The following LEPROTL1 variants were observed in gnomAD, a reference collection of about 807,000 sequenced individuals.
LEPROTL1 encodes the protein leptin receptor overlapping transcript like 1, also known as leptin receptor overlapping transcript-like 1.
In LEPROTL1, 6 loss-of-function variants were observed where a neutral mutation model predicts 15.4. The observed-to-expected ratio is 0.39, with a 90% CI of 0.21 to 0.77. The LOEUF (loss-of-function observed/expected upper bound fraction) is 0.77, where lower values mean the gene tolerates loss of function less well. LEPROTL1 is among the 30% of genes least tolerant of loss of function. The probability of loss-of-function intolerance (pLI) is 0.41; values close to 1 mark genes in which losing one functional copy is unlikely to be tolerated. For synonymous variants in LEPROTL1, 56 were observed against 52.6 expected (o/e 1.06, Z -0.28); for missense variants, 128 against 158.1 (o/e 0.81, Z 1.02).
intron 4 of LEPROTL1, among the ~76,000 whole-genome samples, chr8:30,135,011 C>T (rs1803108605): frequency 1.3e-5 from 2 of 151,918 alleles, no homozygotes; most frequent in South Asian, 4.1e-4. Context: ...TCCTGAGAAG[C>T]TGGAACTTCA....
At chr8:30,116,576 C>T (rs973029902) in intron 3 of LEPROTL1, among the ~76,000 whole-genome samples, 3 of 152,258 alleles carry the variant, frequency 2.0e-5, no homozygotes, top group Middle Eastern at 3.4e-3. Flanking sequence ...CTGCTTACCT[C>T]CTGCTCTGCT....
At chr8:30,134,856 CCTTTTCTTTTTT>C (rs1397213914) in intron 4 of LEPROTL1, among the ~76,000 whole-genome samples, 2 of 151,324 alleles carry the variant, frequency 1.3e-5, no homozygotes, top group Non-Finnish European at 1.5e-5. Context: ...CCATAAGCAT[CCTTTTCTTTTTT>C]CTTTTCTTTT....
chr8:30,095,469 C>T lies in LEPROTL1; in HGVS notation c.-44C>T. On this transcript the variant is annotated 5_prime_UTR_variant, in exon 1 of 4. Transcript: ENST00000321250. ...TTGGGTCTCCCGGCTGCCGCTGCTG[C>T]CGCCGCCGCCTCGGGTCGTGGAGCC... 1 of 1,462,400 alleles carries T rather than the reference C, an allele frequency of 6.8e-7. No individual in the cohort carries two copies. 90.6% of individuals were successfully genotyped at this position (1,462,400 alleles called of 1,614,324 possible). A position where few individuals can be genotyped will look rare whatever the true frequency, so the allele number is the denominator to read the frequency against.
At chr8:30,111,491 C>G (rs1187364797), downstream of LEPROTL1, among the ~76,000 whole-genome samples, 1 of 152,200 alleles carries the variant, frequency 6.6e-6, no homozygotes, top group Non-Finnish European at 1.5e-5. Flanking sequence ...TATTTCACTT[C>G]GGCTATGTCA....
chr8:30,119,591 T>C (rs1042572574), intron 3 of LEPROTL1, among the ~76,000 whole-genome samples: 2 of 152,230 alleles, frequency 1.3e-5, no homozygotes, highest in African/African-American at 4.8e-5. Context: ...GGGCCCATGC[T>C]AATGACCTCG....
chr8:30,100,923 T>C (rs1802456832), intron 1 of LEPROTL1, among the ~76,000 whole-genome samples: 1 of 152,188 alleles, frequency 6.6e-6, no homozygotes, highest in South Asian at 2.1e-4. Flanking sequence ...AATGCATCTA[T>C]TGCTTATAAT....
chr8:30,106,601 A>G lies in LEPROTL1; in HGVS notation c.*739A>G, dbSNP rs564342122. The G allele has an allele frequency of 1.5e-4, 143 of 983,546 alleles. No homozygotes were observed. The highest frequency in any genetic ancestry group is 1.7e-4 in the Non-Finnish European group (138 of 828,002). 60.9% of individuals were successfully genotyped at this position (983,546 alleles called of 1,614,324 possible). A position where few individuals can be genotyped will look rare whatever the true frequency, so the allele number is the denominator to read the frequency against. Reference sequence around the variant, plus strand: ...AAGGGTGTAAAAACATTTTTGAGATAAGGTTTTTATTTATGTTTATTATTG... The same window carrying G: ...AAGGGTGTAAAAACATTTTTGAGATGAGGTTTTTATTTATGTTTATTATTG... On this transcript the variant is annotated 3_prime_UTR_variant, in exon 4 of 4. Coordinates refer to ENST00000321250, the MANE Select transcript of LEPROTL1 (RefSeq NM_015344.3).
Position 30,095,440 on chromosome 8 carries a change from C to G in LEPROTL1, c.-73C>G. ...CGGGTGTTGTCTGGCCGCCGTAGCG[C>G]GTCTTGGGTCTCCCGGCTGCCGCTG... On this transcript the variant is annotated 5_prime_UTR_variant, in exon 1 of 4. Coordinates refer to ENST00000321250, the MANE Select transcript of LEPROTL1 (RefSeq NM_015344.3). 7.0e-7 allele frequency: 1 copy of G among 1,428,362 alleles called. No individual in the cohort carries two copies. The highest frequency in any genetic ancestry group is 9.2e-7 in the Non-Finnish European group (1 of 1,081,962). 88.5% of individuals were successfully genotyped at this position (1,428,362 alleles called of 1,614,324 possible).
At chr8:30,114,331 C>T (rs1422908979) in intron 3 of LEPROTL1, among the ~76,000 whole-genome samples, 3 of 151,630 alleles carry the variant, frequency 2.0e-5, no homozygotes, top group African/African-American at 4.8e-5. Context: ...GGCTCTGTCA[C>T]CCAGGCTGGA....
chr8:30,127,889 C>T (rs934331358), intron 3 of LEPROTL1, among the ~76,000 whole-genome samples: 2 of 151,738 alleles, frequency 1.3e-5, no homozygotes, highest in African/African-American at 4.8e-5. Context: ...TTAAAAAGAG[C>T]GGGTGGGGTG....
At chr8:30,116,649 G>T (rs559879771) in intron 3 of LEPROTL1, among the ~76,000 whole-genome samples, 5 of 152,310 alleles carry the variant, frequency 3.3e-5, no homozygotes, top group Non-Finnish European at 5.9e-5. Flanking sequence ...TGGGGCTCGG[G>T]GGTTGGGGAC....
At chr8:30,100,859 G>A (rs1802455303) in intron 1 of LEPROTL1, among the ~76,000 whole-genome samples, 1 of 152,148 alleles carries the variant, frequency 6.6e-6, no homozygotes, top group Admixed American at 6.5e-5. Context: ...CTGTGTGTGT[G>A]TGTGTGTGTC....
rs1802520295 is a variant in LEPROTL1, at chr8:30,104,295, T to C, written c.93-5T>C. ...AATTACATTAACTTATTTTTCTTTTTCTAGCAAATACTGGCCCCTCTTTGT... is the reference window on the plus strand; with the variant it reads ...AATTACATTAACTTATTTTTCTTTTCCTAGCAAATACTGGCCCCTCTTTGT... On this transcript the variant is annotated splice_polypyrimidine_tract_variant and splice_region_variant and intron_variant, in intron 2 of 3. Coordinates refer to ENST00000321250, the MANE Select transcript of LEPROTL1 (RefSeq NM_015344.3). The C allele has an allele frequency of 6.8e-7, 1 of 1,464,510 alleles. No individual in the cohort carries two copies. The highest frequency in any genetic ancestry group is 9.1e-7 in the Non-Finnish European group (1 of 1,096,436). 90.7% of individuals were successfully genotyped at this position (1,464,510 alleles called of 1,614,324 possible).
intron 3 of LEPROTL1, among the ~76,000 whole-genome samples, chr8:30,131,325 C>CAT (rs1390130268): frequency 2.1e-5 from 3 of 145,588 alleles, no homozygotes; most frequent in Non-Finnish European, 4.5e-5. Context: ...TATATATACA[C>CAT]ATATATATAT....
intron 1 of LEPROTL1, among the ~76,000 whole-genome samples, chr8:30,097,323 G>A (rs1010701049): frequency 2.4e-4 from 17 of 71,042 alleles, no homozygotes; most frequent in Non-Finnish European, 3.6e-4. Context: ...TACCTTATTC[G>A]GTATGACTGG....
chr8:30,137,467 G>A, exon 5 of LEPROTL1: 3 of 1,551,682 alleles, frequency 1.9e-6, no homozygotes, highest in Non-Finnish European at 2.6e-6. Flanking sequence ...GTGGGCTCTA[G>A]GATTCCTGCT....
At chr8:30,109,197 G>A (rs185183293), downstream of LEPROTL1, among the ~76,000 whole-genome samples, 2 of 152,298 alleles carry the variant, frequency 1.3e-5, no homozygotes, top group East Asian at 1.9e-4. Flanking sequence ...GCAACACAAC[G>A]TTATTGTTAA....
chr8:30,102,378 C>T lies in LEPROTL1; in HGVS notation c.92+405C>T, dbSNP rs138435909. On this transcript the variant is annotated intron_variant, in intron 2 of 3. Transcript: ENST00000321250. ...TAAACAATTACTTTCCGGCCGGGTG[C>T]GGTGGCTCACACCTGTAATCCCAGC... Among the ~76,000 whole-genome samples, 473 of 151,826 alleles carry T rather than the reference C, an allele frequency of 3.1e-3. 4 individuals carry two copies. The highest frequency in any genetic ancestry group is 0.011 in the African/African-American group (439 of 41,398).
At chr8:30,116,983 G>C (rs1802751176) in intron 3 of LEPROTL1, among the ~76,000 whole-genome samples, 1 of 152,064 alleles carries the variant, frequency 6.6e-6, no homozygotes. Flanking sequence ...CTGGAGAATT[G>C]GTCAGTATGG....
Sources: gnomAD v4.1 joint callset for allele counts (sites outside exome capture counted in the v4.1 genomes callset) on GRCh38, gnomAD v4.1.1 for gene constraint, MANE v1.5 for transcripts, NCBI Gene and HGNC (gene_info 2026-07-23, HGNC 2026-07-21) for gene names.